Variants in KCNIP4 observed in about 807,000 individuals in gnomAD.
KCNIP4 encodes potassium voltage-gated channel interacting protein 4, also known as Kv channel-interacting protein 4.
A neutral mutation model predicts 34.0 loss-of-function variants in KCNIP4; 12 were observed. The observed-to-expected ratio is 0.35, with a 90% CI of 0.23 to 0.57. The LOEUF (loss-of-function observed/expected upper bound fraction) is 0.57. KCNIP4 is among the 20% of genes least tolerant of loss of function. The pLI is 0.83. For missense variants in KCNIP4, 238 were observed against 311.7 expected (o/e 0.76, Z 1.78); for synonymous variants, 124 against 102.2 (o/e 1.21, Z -1.29).
At chr4:21,828,918 G>A (rs1027325636) in intron 1 of KCNIP4, among the ~76,000 whole-genome samples, 1 of 151,856 alleles carries the variant, frequency 6.6e-6, no homozygotes, top group Non-Finnish European at 1.5e-5. Context: ...AAGAAATGGT[G>A]ATAAATACAT....
rs535183139 is a variant in KCNIP4, at chr4:21,283,359, C to A, written c.62-400650G>T. Among the ~76,000 whole-genome samples, 6 of 152,012 alleles carry A rather than the reference C, an allele frequency of 3.9e-5. No individual in the cohort carries two copies. In the South Asian group the frequency reaches 8.3e-4, roughly 21 times the overall value. The stretch of plus-strand genomic sequence containing the variant: ...TCATAAAATTATGTAAAAATTTCAG[C>A]CAGCTAGGTGGACAATCAACCACCT... On this transcript the variant is annotated intron_variant, in intron 1 of 8. Transcript: ENST00000382152.
chr4:21,279,592 TTAA>T (rs1762653656), intron 1 of KCNIP4, among the ~76,000 whole-genome samples: 2 of 150,910 alleles, frequency 1.3e-5, no homozygotes, highest in East Asian at 3.9e-4. Context: ...ATTAAATATA[TTAA>T]TATTAATAAT....
At chr4:20,794,495 A>G (rs1470967527) in intron 3 of KCNIP4, among the ~76,000 whole-genome samples, 2 of 152,134 alleles carry the variant, frequency 1.3e-5, no homozygotes, top group Non-Finnish European at 2.9e-5. Flanking sequence ...AAAATTATGT[A>G]CTCTATAATT....
chr4:21,723,239 G>A lies in KCNIP4; in HGVS notation c.61+225332C>T, dbSNP rs560908396. Reference sequence around the variant, plus strand: ...ACAACAGTAAAATAAAATCTGTGATGCTGCTAAAATTCATATATTTCCCAA... The same window carrying A: ...ACAACAGTAAAATAAAATCTGTGATACTGCTAAAATTCATATATTTCCCAA... On this transcript the variant is annotated intron_variant, in intron 1 of 8. Transcript: ENST00000382152. 2.0e-3 allele frequency among the ~76,000 whole-genome samples: 311 copies of A among 152,200 alleles called. 1 individual carries two copies. The highest frequency in any genetic ancestry group is 7.2e-3 in the African/African-American group (301 of 41,546).
At chr4:21,421,098 C>T (rs187413858) in intron 1 of KCNIP4, among the ~76,000 whole-genome samples, 19 of 152,214 alleles carry the variant, frequency 1.2e-4, no homozygotes, top group Middle Eastern at 6.8e-3. Flanking sequence ...TCACTTCACA[C>T]CTGTTAAAAT....
At chr4:21,243,670 A>T (rs995580948) in intron 1 of KCNIP4, among the ~76,000 whole-genome samples, 1 of 152,214 alleles carries the variant, frequency 6.6e-6, no homozygotes, top group Non-Finnish European at 1.5e-5. Flanking sequence ...TGCTTTCCAC[A>T]GTGCAGGAAA....
intron 1 of KCNIP4, among the ~76,000 whole-genome samples, chr4:21,014,752 T>C (rs1018492909): frequency 6.6e-6 from 1 of 152,204 alleles, no homozygotes; most frequent in Admixed American, 6.5e-5. Flanking sequence ...GACTCAGCAA[T>C]TCTACCTTTA....
chr4:21,301,580 G>A (rs1401148746), intron 1 of KCNIP4, among the ~76,000 whole-genome samples: 1 of 152,134 alleles, frequency 6.6e-6, no homozygotes, highest in Non-Finnish European at 1.5e-5. Context: ...TGGTGCAGGA[G>A]GAAAGGAACT....
intron 1 of KCNIP4, among the ~76,000 whole-genome samples, chr4:21,373,827 T>C (rs78481038): frequency 0.026 from 3,883 of 146,970 alleles, 360 homozygotes; most frequent in East Asian, 0.22. Flanking sequence ...TGCCTCAGCC[T>C]CCCGAGTAAC....
chr4:20,923,812 T>C (rs978301937), intron 1 of KCNIP4, among the ~76,000 whole-genome samples: 1 of 152,176 alleles, frequency 6.6e-6, no homozygotes, highest in Admixed American at 6.5e-5. Flanking sequence ...GAAAAGAGAA[T>C]GGAAAGAAGC....
chr4:20,779,010 G>A (rs1455964276), intron 3 of KCNIP4, among the ~76,000 whole-genome samples: 1 of 152,086 alleles, frequency 6.6e-6, no homozygotes, highest in African/African-American at 2.4e-5. Flanking sequence ...GGAGGAGGAA[G>A]GGAGGGAGGC....
At chr4:21,112,590 G>C (rs1258162232) in intron 1 of KCNIP4, among the ~76,000 whole-genome samples, 1 of 152,198 alleles carries the variant, frequency 6.6e-6, no homozygotes, top group Admixed American at 6.5e-5. Context: ...TGTCAATGCT[G>C]TGATTCTTGA....
At chr4:21,925,712 AACG>A (rs1729205935) in intron 1 of KCNIP4, among the ~76,000 whole-genome samples, 1 of 152,180 alleles carries the variant, frequency 6.6e-6, no homozygotes, top group Admixed American at 6.5e-5. Flanking sequence ...TGCAGTCTTT[AACG>A]ACAACCATGA....
Position 21,200,380 on chromosome 4 carries a change from GTGTA to G in KCNIP4, c.62-317675_62-317672del, listed in dbSNP as rs71589688. On this transcript the variant is annotated intron_variant, in intron 1 of 8. Coordinates refer to ENST00000382152, the MANE Select transcript of KCNIP4 (RefSeq NM_025221.6). ...TATATATATATACATACATATATGTGTGTATATATATATATACATACATATATGT... is the reference window on the plus strand; with the variant it reads ...TATATATATATACATACATATATGTGTATATATATATACATACATATATGT... 3.4e-4 allele frequency among the ~76,000 whole-genome samples: 18 copies of G among 52,420 alleles called. 3 individuals carry two copies. The African/African-American group carries it at 3.5e-3, about 10-fold the overall frequency. The allele number at this position is 52,420 out of a possible 152,430, so 34.4% of individuals were successfully genotyped here.
intron 1 of KCNIP4, among the ~76,000 whole-genome samples, chr4:21,647,569 T>C (rs1182467191): frequency 2.0e-5 from 3 of 152,146 alleles, no homozygotes; most frequent in Non-Finnish European, 4.4e-5. Context: ...AACTCATGAA[T>C]AGAGAAAAAA....
intron 1 of KCNIP4, among the ~76,000 whole-genome samples, chr4:21,830,870 T>A (rs987890335): frequency 6.6e-6 from 1 of 152,176 alleles, no homozygotes; most frequent in Admixed American, 6.6e-5. Flanking sequence ...TTCTCAAGAA[T>A]TAATGAAATA....
At chr4:21,255,796 A>G (rs1761021102) in intron 1 of KCNIP4, among the ~76,000 whole-genome samples, 1 of 152,224 alleles carries the variant, frequency 6.6e-6, no homozygotes. Context: ...GATGACATTG[A>G]CGCGGTCCCC....
At chr4:21,570,328 C>T (rs961821935) in intron 1 of KCNIP4, among the ~76,000 whole-genome samples, 8 of 152,058 alleles carry the variant, frequency 5.3e-5, no homozygotes, top group Non-Finnish European at 8.8e-5. Flanking sequence ...AGGTATTTCC[C>T]GTTTCCTGAA....
At chr4:21,391,881 GGA>G (rs1242485272) in intron 1 of KCNIP4, among the ~76,000 whole-genome samples, 1 of 152,106 alleles carries the variant, frequency 6.6e-6, no homozygotes, top group African/African-American at 2.4e-5. Flanking sequence ...ACAAAGTAAT[GGA>G]GGCATAATAG....
Sources: gnomAD v4.1 joint callset for allele counts (sites outside exome capture counted in the v4.1 genomes callset) on GRCh38, gnomAD v4.1.1 for gene constraint, MANE v1.5 for transcripts, NCBI Gene and HGNC (gene_info 2026-07-23, HGNC 2026-07-21) for gene names.